TRPV4: variants seen among roughly 807,000 people sequenced by gnomAD.
The protein encoded by TRPV4 is transient receptor potential cation channel subfamily V member 4.
In TRPV4, 58 loss-of-function variants were observed where a neutral mutation model predicts 84.1. The ratio of observed to expected loss-of-function variants is 0.69; its 90% CI spans 0.56 to 0.86. TRPV4 has a LOEUF of 0.86. TRPV4 is among the 40% of genes least tolerant of loss of function. The pLI is 0.00. For missense variants in TRPV4, 879 were observed against 1,181.1 expected, an observed-to-expected ratio of 0.74 and a Z score of 3.75; for synonymous variants, 489 against 500.9, an observed-to-expected ratio of 0.98 and a Z score of 0.32.
intron 15 of TRPV4, among the ~76,000 whole-genome samples, chr12:109,784,027 C>T (rs1293137813): frequency 1.3e-5 from 2 of 152,110 alleles, no homozygotes; most frequent in African/African-American, 2.4e-5. Flanking sequence ...AGCTGCGTCT[C>T]GCGTGCTCAT....
intron 1 of TRPV4, chr12:109,832,644 C>T (rs76088085): frequency 6.5e-6 from 1 of 153,054 alleles, no homozygotes; most frequent in African/African-American, 2.4e-5. Context: ...CCGACCTAAG[C>T]CTCAGTTTCC....
rs1085307827 is a variant in TRPV4, at chr12:109,793,965, T to C, written c.1549A>G (p.Thr517Ala). Residue 517 changes from threonine (T) to alanine (A), a missense_variant, in exon 9 of 16, where the codon ACG (threonine) becomes GCG (alanine). Physicochemically the swap from Thr to Ala is moderately conservative, Grantham distance 58 (BLOSUM62 0). Around this residue, in one of 4 missense-constraint regions of TRPV4, gnomAD observed 521 missense variants for 686.6 expected, o/e 0.76. Transcript: ENST00000261740. This position sits in a 1 kb window ranked among gnomAD's most constrained non-coding sequence, Gnocchi z 4.0. The stretch of plus-strand genomic sequence containing the variant: ...AAGAACAGGACCCCAGTGAAGAGCG[T>C]AATGACCTCGCCAGCCAGCCGCAGG... ...DYLRLAGEVI[T>A]LFTGVLFFFT... The C allele has an allele frequency of 4.3e-6, 7 of 1,610,436 alleles. No homozygotes were observed. The highest frequency in any genetic ancestry group is 5.9e-6 in the Non-Finnish European group (7 of 1,179,154).
intron 1 of TRPV4, among the ~76,000 whole-genome samples, chr12:109,816,870 C>T (rs761008913): frequency 8.5e-5 from 13 of 152,312 alleles, no homozygotes; most frequent in African/African-American, 2.6e-4. Flanking sequence ...TATAACCAAA[C>T]GAAGAAAGAG....
At chr12:109,822,331 G>A (rs1892130861) in intron 1 of TRPV4, among the ~76,000 whole-genome samples, 1 of 152,110 alleles carries the variant, frequency 6.6e-6, no homozygotes, top group Admixed American at 6.6e-5. Flanking sequence ...AGCCAATTTG[G>A]GGGCCCCCAC....
At chr12:109,785,800 A>G (rs557972045) in intron 14 of TRPV4, among the ~76,000 whole-genome samples, 2 of 151,414 alleles carry the variant, frequency 1.3e-5, no homozygotes, top group Admixed American at 1.3e-4. Flanking sequence ...TGGGAGGCTG[A>G]GGTGGGAAGA....
intron 1 of TRPV4, among the ~76,000 whole-genome samples, chr12:109,830,099 G>A (rs1314645379): frequency 3.9e-5 from 6 of 152,142 alleles, no homozygotes; most frequent in Non-Finnish European, 7.4e-5. Flanking sequence ...TACAGGTGTG[G>A]GCCACTGCAC....
At chr12:109,804,045 C>A (rs568187058) in intron 3 of TRPV4, among the ~76,000 whole-genome samples, 2 of 152,178 alleles carry the variant, frequency 1.3e-5, no homozygotes, top group East Asian at 3.9e-4. Flanking sequence ...TGTGAACTGA[C>A]CTTAGGGGAT....
chr12:109,822,531 C>T (rs548910308), intron 1 of TRPV4, among the ~76,000 whole-genome samples: 4 of 152,306 alleles, frequency 2.6e-5, no homozygotes, highest in Admixed American at 6.5e-5. Flanking sequence ...CTCAGAGAGG[C>T]GAAGTCATTT....
chr12:109,786,834 C>A lies in TRPV4; in HGVS notation c.2212G>T (p.Ala738Ser). Residue 738 changes from alanine to serine, a missense_variant, in exon 14 of 16, where the codon GCC becomes TCC. Ala to Ser is a moderately conservative substitution (Grantham distance 99). Around this residue, in one of 4 missense-constraint regions of TRPV4, gnomAD observed 242 missense variants for 355.3 expected, o/e 0.68. Coordinates refer to ENST00000261740, the MANE Select transcript of TRPV4 (RefSeq NM_021625.5). The surrounding 1 kb of genome is among the most constrained non-coding windows in gnomAD (Gnocchi z 4.5). The stretch of plus-strand genomic sequence containing the variant: ...CGCTCAATGTCCAGGATGGTGGTGG[C>A]CCACTGCGGGGAGGGAGGGTCAGGA... ...ESKHIWKLQWATTILDIERSF... is the reference protein window; with the variant it reads ...ESKHIWKLQWSTTILDIERSF... 6.2e-7 allele frequency: 1 copy of A among 1,613,600 alleles called. No individual in the cohort carries two copies. The highest frequency in any genetic ancestry group is 8.5e-7 in the Non-Finnish European group (1 of 1,179,832).
In TRPV4 at chr12:109,796,034, C is replaced by T. The variant is rs1200220877; in HGVS notation, c.1332+491G>A. Among the ~76,000 whole-genome samples, 2 of 152,156 alleles carry T rather than the reference C, an allele frequency of 1.3e-5. No individual in the cohort carries two copies. Among genetic ancestry groups the T allele is most frequent in the East Asian group, 3.9e-4 (2 of 5,184 alleles). On this transcript the variant is annotated intron_variant, in intron 7 of 15. Coordinates refer to ENST00000261740, the MANE Select transcript of TRPV4 (RefSeq NM_021625.5). The surrounding 1 kb of genome is among the most constrained non-coding windows in gnomAD (Gnocchi z 4.2). Reference sequence around the variant, plus strand: ...TTGGCTCCCCAAAATGCTAGAATTACAGGCATAAGCCACCATGCCTGACCG... The same window carrying T: ...TTGGCTCCCCAAAATGCTAGAATTATAGGCATAAGCCACCATGCCTGACCG...
chr12:109,794,181 GT>G, intron 8 of TRPV4, 147 bp downstream of exon 8: 1 of 1,180,560 alleles, frequency 8.5e-7, no homozygotes, highest in Non-Finnish European at 1.2e-6. Flanking sequence ...AGGGCCACCC[GT>G]GGATGCTGGA....
intron 12 of TRPV4, 22 bp downstream of exon 12, chr12:109,792,341 C>G (rs372555958): frequency 1.8e-5 from 29 of 1,612,524 alleles, no homozygotes; most frequent in Non-Finnish European, 2.3e-5. Flanking sequence ...CTGCCAGGAC[C>G]ACCTGAGCAC....
At chr12:109,803,350 C>T (rs1013019727) in intron 3 of TRPV4, among the ~76,000 whole-genome samples, 7 of 152,232 alleles carry the variant, frequency 4.6e-5, no homozygotes, top group Non-Finnish European at 1.0e-4. Context: ...ACAATAAACG[C>T]ATGGGGTTAG....
intron 3 of TRPV4, among the ~76,000 whole-genome samples, chr12:109,804,082 G>T (rs2136569487): frequency 6.6e-6 from 1 of 152,240 alleles, no homozygotes; most frequent in African/African-American, 2.4e-5. Flanking sequence ...GGGGTTCTAG[G>T]GGGTGCAACA....
intron 6 of TRPV4, among the ~76,000 whole-genome samples, chr12:109,797,093 A>G (rs1890450915): frequency 1.3e-5 from 2 of 152,070 alleles, no homozygotes; most frequent in Non-Finnish European, 2.9e-5. Context: ...TGGCTTACAC[A>G]CAGGGAAGCG....
At chr12:109,805,392 T>C (rs535402949) in intron 3 of TRPV4, among the ~76,000 whole-genome samples, 2 of 152,300 alleles carry the variant, frequency 1.3e-5, no homozygotes, top group East Asian at 1.9e-4. Flanking sequence ...GCCTGGGTCC[T>C]GGGAGAAGAT....
rs189864496 is a variant in TRPV4, at chr12:109,812,363, G to A, written c.386+2048C>T. Among the ~76,000 whole-genome samples the A allele has an allele frequency of 1.7e-3, 262 of 152,304 alleles. 4 individuals are homozygous for A. Among genetic ancestry groups the A allele is most frequent in the African/African-American group, 6.3e-3 (260 of 41,574 alleles). On this transcript the variant is annotated intron_variant, in intron 2 of 15. Coordinates refer to ENST00000261740, the MANE Select transcript of TRPV4 (RefSeq NM_021625.5). ...TTCTTTCAGCAAGGCTGTCATTATG[G>A]GAAAGAAGGTTGAATGCCTTGGGGT...
At chr12:109,787,200 G>A (rs1198694385) in intron 13 of TRPV4, among the ~76,000 whole-genome samples, 1 of 152,210 alleles carries the variant, frequency 6.6e-6, no homozygotes, top group Admixed American at 6.5e-5. Context: ...TCCGGACCCT[G>A]CACTGCCTGG....
Position 109,784,715 on chromosome 12 carries a change from G to A in TRPV4, c.2337-278C>T, listed in dbSNP as rs1174814193. On this transcript the variant is annotated intron_variant, in intron 14 of 15. Transcript: ENST00000261740. Reference sequence around the variant, plus strand: ...AAAAATTAGCGGGGCATGGTGGCGGGTGCCTATAGTCCCAGTGACCCGAGA... The same window carrying A: ...AAAAATTAGCGGGGCATGGTGGCGGATGCCTATAGTCCCAGTGACCCGAGA... Among the ~76,000 whole-genome samples, 3 of 151,540 alleles carry A rather than the reference G, an allele frequency of 2.0e-5. No homozygotes were observed. In the South Asian group the frequency reaches 6.3e-4, roughly 32 times the overall value.
Sources: gnomAD v4.1 joint callset for allele counts (sites outside exome capture counted in the v4.1 genomes callset) on GRCh38, gnomAD v4.1.1 for gene constraint, gnomAD v4.1.1 regional missense constraint, Gnocchi (gnomAD v3.1) non-coding constraint, MANE v1.5 for transcripts, NCBI Gene and HGNC (gene_info 2026-07-23, HGNC 2026-07-21) for gene names.